LNX1: variants seen among roughly 807,000 people sequenced by gnomAD.
LNX1 encodes E3 ubiquitin-protein ligase LNX.
LNX1 carries 54 observed loss-of-function variants against 68.4 expected under a neutral mutation model. The observed-to-expected ratio is 0.79, with a 90% CI of 0.63 to 0.99. The LOEUF is 0.99. Among genes scored for constraint, LNX1 ranks in the 50% least tolerant of loss-of-function variants. The probability of loss-of-function intolerance (pLI) is 0.00; values close to 1 mark genes in which losing one functional copy is unlikely to be tolerated. For synonymous variants in LNX1, 336 were observed against 350.0 expected (o/e 0.96, Z 0.45); for missense variants, 906 against 926.4 (o/e 0.98, Z 0.29).
intron 1 of LNX1, among the ~76,000 whole-genome samples, chr4:53,648,804 C>G (rs553638653): frequency 6.6e-6 from 1 of 152,286 alleles, no homozygotes; most frequent in South Asian, 2.1e-4. Context: ...CCTTCCATCC[C>G]CCTGAACACA....
chr4:53,576,855 C>T (rs1731521459), intron 1 of LNX1, among the ~76,000 whole-genome samples: 1 of 152,220 alleles, frequency 6.6e-6, no homozygotes, highest in Non-Finnish European at 1.5e-5. Context: ...TTTGTGCAAA[C>T]ATAGCCTTAT....
rs1212997170 is a variant in LNX1, at chr4:53,508,083, G to C, written c.525C>G (p.Asp175Glu). 6.2e-7 allele frequency: 1 copy of C among 1,614,152 alleles called. No homozygotes were observed. The highest frequency in any genetic ancestry group is 8.5e-7 in the Non-Finnish European group (1 of 1,180,030). The change falls in exon 3 of 11, where the codon GAC becomes GAG. Residue 175 changes from aspartate (D) to glutamate (E), a missense_variant. Asp to Glu is a conservative substitution (Grantham distance 45). Coordinates refer to ENST00000263925, the MANE Select transcript of LNX1 (RefSeq NM_001126328.3). Reference protein sequence around the residue: ...SAAATISLMTDEPGLDNPAYV... With the variant: ...SAAATISLMTEEPGLDNPAYV... ...AGGCAGGGTTGTCTAGGCCAGGCTC[G>C]TCTGTCATTAAGGAGATGGTGGCAG... is the stretch of plus-strand genomic sequence containing the variant.
intron 2 of LNX1, among the ~76,000 whole-genome samples, chr4:53,564,648 G>A (rs2109748916): frequency 6.6e-6 from 1 of 152,264 alleles, no homozygotes; most frequent in East Asian, 1.9e-4. Flanking sequence ...GAGCCAAGAT[G>A]GCCGAATAGG....
chr4:53,562,853 T>C (rs1355846568), intron 2 of LNX1, among the ~76,000 whole-genome samples: 6 of 152,196 alleles, frequency 3.9e-5, no homozygotes, highest in Admixed American at 6.5e-5. Context: ...TCACAATATA[T>C]ACATATTTTA....
At chr4:53,537,804 AC>A (rs1728478083) in intron 2 of LNX1, among the ~76,000 whole-genome samples, 1 of 152,202 alleles carries the variant, frequency 6.6e-6, no homozygotes, top group Non-Finnish European at 1.5e-5. Context: ...GTCACTGACA[AC>A]AAAGGAACAG....
intron 1 of LNX1, among the ~76,000 whole-genome samples, chr4:53,632,182 G>A (rs530592354): frequency 3.4e-4 from 52 of 152,258 alleles, no homozygotes; most frequent in African/African-American, 1.1e-3. Flanking sequence ...TGGCCGCTGC[G>A]GTGGCCAGGT....
rs59260730 is a variant in LNX1 at position 53,506,856 on chromosome 4, TAAAAAAA to T, written c.775+454_775+460del. ...CCTGGGCGACAAGCAAAACTCTGTC[TAAAAAAA>T]AAAAAAAAAAAAGAGGAATAATAGT... On this transcript the variant is annotated intron_variant, in intron 4 of 10. Transcript: ENST00000263925. 9.2e-5 allele frequency among the ~76,000 whole-genome samples: 5 copies of T among 54,206 alleles called. 1 individual carries two copies. Among genetic ancestry groups the T allele is most frequent in the East Asian group, 4.2e-4 (1 of 2,376 alleles). 35.6% of individuals were successfully genotyped at this position (54,206 alleles called of 152,430 possible).
chr4:53,505,104 A>G (rs1436490672), intron 4 of LNX1, among the ~76,000 whole-genome samples: 2 of 152,206 alleles, frequency 1.3e-5, no homozygotes, highest in African/African-American at 4.8e-5. Flanking sequence ...GTATGCTTTT[A>G]TTTTATTATA....
chr4:53,554,551 A>G (rs1729755417), intron 2 of LNX1, among the ~76,000 whole-genome samples: 1 of 152,216 alleles, frequency 6.6e-6, no homozygotes, highest in African/African-American at 2.4e-5. Flanking sequence ...CCCGAATGAT[A>G]CATGTTTTAA....
chr4:53,512,032 C>T lies in LNX1; in HGVS notation c.381-3805G>A, dbSNP rs535918675. ...CATTAGCAAACATTGAGTCAACTCT[C>T]ACTTTGGGTTCATTAATTGTCCAGT... On this transcript the variant is annotated intron_variant, in intron 2 of 10. Coordinates refer to ENST00000263925, the MANE Select transcript of LNX1 (RefSeq NM_001126328.3). Among the ~76,000 whole-genome samples, 12 of 152,276 alleles carry T rather than the reference C, an allele frequency of 7.9e-5. 1 individual carries two copies. The highest frequency in any genetic ancestry group is 7.8e-4 in the Admixed American group (12 of 15,300).
chr4:53,595,530 G>A (rs1732709717), upstream of LNX1, among the ~76,000 whole-genome samples: 1 of 152,190 alleles, frequency 6.6e-6, no homozygotes, highest in Non-Finnish European at 1.5e-5. Flanking sequence ...GCAACCACAT[G>A]ATCTTTCTCT....
At chr4:53,548,223 C>T (rs1416566783) in intron 2 of LNX1, among the ~76,000 whole-genome samples, 2 of 152,138 alleles carry the variant, frequency 1.3e-5, no homozygotes, top group Non-Finnish European at 2.9e-5. Flanking sequence ...CCATTTCCTG[C>T]CCCATTCCTT....
intron 2 of LNX1, among the ~76,000 whole-genome samples, chr4:53,530,919 C>G (rs1244104900): frequency 6.6e-6 from 1 of 152,038 alleles, no homozygotes; most frequent in African/African-American, 2.4e-5. Context: ...ATCCCAGCAC[C>G]CTGGGAGGCT....
intron 2 of LNX1, among the ~76,000 whole-genome samples, chr4:53,560,857 G>A (rs1386304729): frequency 2.0e-5 from 3 of 152,136 alleles, no homozygotes; most frequent in Non-Finnish European, 4.4e-5. Context: ...TCCATTACCT[G>A]CCATCTGATG....
chr4:53,587,843 C>A (rs11936500), intron 1 of LNX1, among the ~76,000 whole-genome samples: 21,855 of 152,138 alleles, frequency 0.14, 1,632 homozygotes, highest in African/African-American at 0.17. Flanking sequence ...GCCCACTCCC[C>A]ACAGGTTTAT....
intron 1 of LNX1, among the ~76,000 whole-genome samples, chr4:53,638,133 T>G (rs546404404): frequency 6.6e-6 from 1 of 152,208 alleles, no homozygotes; most frequent in Non-Finnish European, 1.5e-5. Context: ...GTACAGATCT[T>G]GTCATTGGGC....
At chr4:53,586,461 T>A (rs1420811538) in intron 1 of LNX1, among the ~76,000 whole-genome samples, 3 of 152,216 alleles carry the variant, frequency 2.0e-5, no homozygotes, top group African/African-American at 7.2e-5. Flanking sequence ...TGGTGAAGTC[T>A]TTTGTGTGCC....
At chr4:53,557,993 T>C (rs1452927965) in intron 2 of LNX1, 1 of 1,613,108 alleles carries the variant, frequency 6.2e-7, no homozygotes, top group Non-Finnish European at 8.5e-7. Context: ...GCCTTCTCCC[T>C]GGCCACCTTC....
chr4:53,506,968 G>A (rs1725938043), intron 4 of LNX1, among the ~76,000 whole-genome samples: 1 of 151,126 alleles, frequency 6.6e-6, no homozygotes. Context: ...AAATGTAGTT[G>A]AAAGAGTAAG....
Sources: allele counts gnomAD v4.1 joint callset (sites outside exome capture counted in the v4.1 genomes callset), GRCh38; gene constraint gnomAD v4.1.1; transcripts MANE v1.5; gene names NCBI Gene and HGNC (gene_info 2026-07-23, HGNC 2026-07-21).